DGKB: variants seen among roughly 807,000 people sequenced by gnomAD.
DGKB encodes diacylglycerol kinase beta, also known as 90 kDa diacylglycerol kinase.
Under a neutral mutation model 114.3 loss-of-function variants are expected in DGKB, and 67 were observed. That is an observed-to-expected ratio of 0.59 (90% confidence interval 0.48 to 0.72). The LOEUF is 0.72. Among genes scored for constraint, DGKB ranks in the 30% least tolerant of loss-of-function variants. The pLI is 0.00. For synonymous variants in DGKB, 398 were observed against 323.1 expected (o/e 1.23, Z -2.49); for missense variants, 907 against 975.2 (o/e 0.93, Z 0.93).
chr7:14,278,576 T>A (rs139810809), intron 23 of DGKB, among the ~76,000 whole-genome samples: 1 of 152,110 alleles, frequency 6.6e-6, no homozygotes, highest in Non-Finnish European at 1.5e-5. Context: ...ATGACATTGG[T>A]CTGGCAATGA....
chr7:14,800,800 G>C (rs1842052333), intron 2 of DGKB, among the ~76,000 whole-genome samples: 1 of 152,116 alleles, frequency 6.6e-6, no homozygotes, highest in African/African-American at 2.4e-5. Flanking sequence ...TGTTGGCTTA[G>C]TATTACCATG....
intron 23 of DGKB, among the ~76,000 whole-genome samples, chr7:14,244,055 GA>G (rs1554301468): frequency 1.2e-5 from 1 of 86,658 alleles, no homozygotes; most frequent in Non-Finnish European, 2.9e-5. Context: ...GAGAGAGAGG[GA>G]GAGAGAGAGA....
chr7:14,521,500 T>C (rs544821296), intron 20 of DGKB, among the ~76,000 whole-genome samples: 2 of 152,196 alleles, frequency 1.3e-5, no homozygotes, highest in Non-Finnish European at 2.9e-5. Flanking sequence ...TCAAACATTA[T>C]ATTCTTTTTT....
intron 2 of DGKB, among the ~76,000 whole-genome samples, chr7:14,766,102 C>T (rs539438284): frequency 1.8e-4 from 28 of 151,902 alleles, no homozygotes; most frequent in Non-Finnish European, 3.2e-4. Context: ...AGATAAAGAA[C>T]GGAAATAAAA....
chr7:14,170,162 AAAG>A (rs948741277), intron 25 of DGKB, among the ~76,000 whole-genome samples: 1 of 88,144 alleles, frequency 1.1e-5, no homozygotes, highest in African/African-American at 6.5e-5. Context: ...AGAAAGAAAG[AAAG>A]AAAGAAAGAA....
chr7:14,374,345 C>T (rs950777465), intron 21 of DGKB, among the ~76,000 whole-genome samples: 8 of 152,060 alleles, frequency 5.3e-5, no homozygotes, highest in South Asian at 4.2e-4. Flanking sequence ...TCTTAAAAAC[C>T]TTTCCCCTCT....
chr7:14,498,460 A>C (rs1785625713), intron 20 of DGKB, among the ~76,000 whole-genome samples: 1 of 151,830 alleles, frequency 6.6e-6, no homozygotes, highest in South Asian at 2.1e-4. Context: ...GTAGAAAGTC[A>C]AGACCAGAGA....
At chr7:14,312,576 G>A (rs939699775) in intron 23 of DGKB, among the ~76,000 whole-genome samples, 1 of 152,122 alleles carries the variant, frequency 6.6e-6, no homozygotes, top group Non-Finnish European at 1.5e-5. Flanking sequence ...GTGGTGAAAT[G>A]GGGAATATGC....
chr7:14,585,595 T>G (rs1231015627), intron 17 of DGKB, among the ~76,000 whole-genome samples: 1 of 152,192 alleles, frequency 6.6e-6, no homozygotes, highest in African/African-American at 2.4e-5. Flanking sequence ...TTGCTTTACA[T>G]TCTTGCAAAA....
At chr7:14,761,164 TTA>T (rs1173505706) in intron 2 of DGKB, among the ~76,000 whole-genome samples, 1 of 152,160 alleles carries the variant, frequency 6.6e-6, no homozygotes, top group African/African-American at 2.4e-5. Context: ...AACTGGAGCA[TTA>T]TCTTGTTTTT....
intron 25 of DGKB, among the ~76,000 whole-genome samples, chr7:14,169,417 G>C (rs1053574783): frequency 4.0e-5 from 6 of 151,026 alleles, no homozygotes; most frequent in Non-Finnish European, 8.9e-5. Flanking sequence ...ATAACTACTG[G>C]AAGAAGCCAC....
chr7:14,816,101 C>T (rs879820351), intron 2 of DGKB, among the ~76,000 whole-genome samples: 14 of 152,028 alleles, frequency 9.2e-5, no homozygotes, highest in Non-Finnish European at 1.5e-4. Context: ...GAGGACGAGG[C>T]GGGCAGATCA....
intron 2 of DGKB, among the ~76,000 whole-genome samples, chr7:14,778,881 C>A (rs1195575428): frequency 6.6e-6 from 1 of 152,152 alleles, no homozygotes; most frequent in Admixed American, 6.5e-5. Flanking sequence ...ATGTGCCAGG[C>A]ACAGTGGCTC....
intron 21 of DGKB, among the ~76,000 whole-genome samples, chr7:14,357,150 T>C (rs1814715148): frequency 6.6e-6 from 1 of 152,182 alleles, no homozygotes; most frequent in African/African-American, 2.4e-5. Flanking sequence ...CTGGATATCC[T>C]TGTTAACCTT....
intron 13 of DGKB, among the ~76,000 whole-genome samples, chr7:14,671,270 C>T (rs894449127): frequency 6.6e-6 from 1 of 151,940 alleles, no homozygotes; most frequent in Non-Finnish European, 1.5e-5. Flanking sequence ...TCCAGAGAAA[C>T]AGAGAAAGGA....
intron 5 of DGKB, among the ~76,000 whole-genome samples, chr7:14,722,048 C>T (rs891217219): frequency 1.3e-5 from 2 of 152,148 alleles, no homozygotes; most frequent in Admixed American, 1.3e-4. Context: ...TATTCCTCCC[C>T]ACTACCAACA....
chr7:14,801,717 T>A (rs895432437), intron 2 of DGKB, among the ~76,000 whole-genome samples: 1 of 152,046 alleles, frequency 6.6e-6, no homozygotes, highest in Non-Finnish European at 1.5e-5. Flanking sequence ...TACACCACCA[T>A]CTTTCCTGGA....
At chr7:14,945,243 A>G (rs1379068034) in intron 1 of DGKB, among the ~76,000 whole-genome samples, 2 of 151,854 alleles carry the variant, frequency 1.3e-5, no homozygotes, top group East Asian at 1.9e-4. Flanking sequence ...TAATGTATAT[A>G]TTATATAATT....
At chr7:14,668,853 A>T (rs78199647) in intron 13 of DGKB, among the ~76,000 whole-genome samples, 15,045 of 152,094 alleles carry the variant, frequency 0.099, 944 homozygotes, top group South Asian at 0.17. Flanking sequence ...TGTACATCAC[A>T]TTTGCCAAAA....
Sources: gnomAD v4.1 joint callset for allele counts (sites outside exome capture counted in the v4.1 genomes callset) on GRCh38, gnomAD v4.1.1 for gene constraint, MANE v1.5 for transcripts, NCBI Gene and HGNC (gene_info 2026-07-23, HGNC 2026-07-21) for gene names.